CARF: variants seen among roughly 807,000 people sequenced by gnomAD.
CARF encodes calcium-responsive transcription factor.
A neutral mutation model predicts 82.0 loss-of-function variants in CARF; 57 were observed. The observed-to-expected ratio is 0.70, with a 90% CI of 0.56 to 0.87. The LOEUF (loss-of-function observed/expected upper bound fraction) is 0.87, where lower values mean the gene tolerates loss of function less well. Ranked by LOEUF, CARF falls within the 40% of genes least tolerant of loss-of-function variation. The pLI is 0.00. For synonymous variants in CARF, 268 were observed against 290.1 expected, an observed-to-expected ratio of 0.92 and a Z score of 0.77; for missense variants, 771 against 855.8, an observed-to-expected ratio of 0.90 and a Z score of 1.24.
chr2:202,967,084 C>CA lies in CARF; in HGVS notation c.940dup (p.Thr314AsnfsTer9). The CA allele has an allele frequency of 1.2e-6, 2 of 1,613,774 alleles. No individual in the cohort carries two copies. Among genetic ancestry groups the CA allele is most frequent in the Non-Finnish European group, 1.7e-6 (2 of 1,179,888 alleles). On this transcript the variant is annotated frameshift_variant, in exon 10 of 17. Coordinates refer to ENST00000438828, the MANE Select transcript of CARF (RefSeq NM_024744.17). LOFTEE classifies it high-confidence loss of function. ...GCAGGTCTTGTCAGCTCTACAAAGCCACTTGTCCAGCTCGGTAAGCTTTAT... is the reference window on the plus strand; with the variant it reads ...GCAGGTCTTGTCAGCTCTACAAAGCCAACTTGTCCAGCTCGGTAAGCTTTAT...
intron 4 of CARF, 47 bp downstream of exon 4, chr2:202,942,027 AT>A (rs1471635032): frequency 7.0e-7 from 1 of 1,429,576 alleles, no homozygotes. Context: ...GTAAAACAGC[AT>A]GCCATTTAAC....
chr2:202,973,166 G>A (rs890970472), intron 12 of CARF, among the ~76,000 whole-genome samples: 1 of 152,148 alleles, frequency 6.6e-6, no homozygotes, highest in African/African-American at 2.4e-5. Context: ...TTAACTGAGA[G>A]CTTACTGTAA....
chr2:202,952,431 A>G (rs2058797711), intron 5 of CARF, 128 bp from the exon 6 acceptor site: 3 of 896,890 alleles, frequency 3.3e-6, no homozygotes, highest in Admixed American at 2.9e-5. Context: ...GTTTTCATCT[A>G]TAAAATGGGG....
At chr2:202,977,812 C>T (rs1462549321) in intron 14 of CARF, among the ~76,000 whole-genome samples, 1 of 152,112 alleles carries the variant, frequency 6.6e-6, no homozygotes, top group Non-Finnish European at 1.5e-5. Context: ...TAAGTACATT[C>T]ATAACTTCAC....
chr2:202,944,112 G>GT (rs1220864432), intron 5 of CARF, among the ~76,000 whole-genome samples: 1 of 152,082 alleles, frequency 6.6e-6, no homozygotes, highest in African/African-American at 2.4e-5. Context: ...TGTGTGCCAC[G>GT]TGAGTAATAA....
At chr2:202,928,890 C>T (rs529536773) in intron 3 of CARF, among the ~76,000 whole-genome samples, 10 of 152,154 alleles carry the variant, frequency 6.6e-5, no homozygotes, top group East Asian at 3.9e-4. Flanking sequence ...CCACCATCCC[C>T]GGCTAATTTT....
intron 3 of CARF, among the ~76,000 whole-genome samples, chr2:202,929,853 G>C (rs755148700): frequency 8.5e-5 from 13 of 152,212 alleles, no homozygotes; most frequent in Non-Finnish European, 1.8e-4. Flanking sequence ...TCAGCCTTCT[G>C]AGTAGCTGGG....
intron 9 of CARF, chr2:202,962,297 A>T (rs1365786253): frequency 6.6e-6 from 1 of 152,160 alleles, no homozygotes; most frequent in Admixed American, 6.5e-5. Context: ...TTTGAGACCC[A>T]CCTGGGCAAA....
intron 14 of CARF, among the ~76,000 whole-genome samples, chr2:202,979,439 C>T (rs1374570495): frequency 1.3e-5 from 2 of 151,934 alleles, no homozygotes; most frequent in Non-Finnish European, 2.9e-5. Flanking sequence ...GCTGTTTAGT[C>T]CTCTCAGTGG....
intron 3 of CARF, among the ~76,000 whole-genome samples, chr2:202,935,760 C>G (rs1326431810): frequency 6.6e-6 from 1 of 152,072 alleles, no homozygotes. Context: ...CCTGGACATT[C>G]TAATAATTTT....
intron 5 of CARF, among the ~76,000 whole-genome samples, chr2:202,945,770 A>G (rs1191710329): frequency 6.6e-6 from 1 of 152,310 alleles, no homozygotes; most frequent in Non-Finnish European, 1.5e-5. Flanking sequence ...ATTAATGAAC[A>G]TTCATGTGCA....
At chr2:202,958,823 T>G (rs2059173720) in intron 8 of CARF, among the ~76,000 whole-genome samples, 1 of 149,970 alleles carries the variant, frequency 6.7e-6, no homozygotes. Context: ...GAGAATCGCT[T>G]GAACCCAGGA....
At chr2:202,964,900 T>C (rs114144699) in intron 9 of CARF, among the ~76,000 whole-genome samples, 1,998 of 146,042 alleles carry the variant, frequency 0.014, 17 homozygotes, top group African/African-American at 0.035. Flanking sequence ...TATATATATA[T>C]ACACACACAC....
intron 2 of CARF, among the ~76,000 whole-genome samples, 198 bp downstream of exon 2, chr2:202,918,241 C>A (rs1359636532): frequency 6.6e-6 from 1 of 152,060 alleles, no homozygotes; most frequent in African/African-American, 2.4e-5. Context: ...TTTGACAGGG[C>A]CAGGCGCGGT....
intron 8 of CARF, among the ~76,000 whole-genome samples, chr2:202,960,845 A>T (rs1182794662): frequency 6.6e-6 from 1 of 150,864 alleles, no homozygotes; most frequent in East Asian, 1.9e-4. Context: ...CACCAAAAAA[A>T]ATCAGTTTCA....
At chr2:202,929,499 C>T (rs1436589664) in intron 3 of CARF, among the ~76,000 whole-genome samples, 1 of 152,038 alleles carries the variant, frequency 6.6e-6, no homozygotes, top group East Asian at 1.9e-4. Context: ...GCTGTAAGTG[C>T]GTAGATTTTG....
chr2:202,919,850 G>C (rs2105946394), intron 2 of CARF, among the ~76,000 whole-genome samples: 1 of 152,262 alleles, frequency 6.6e-6, no homozygotes, highest in African/African-American at 2.4e-5. Context: ...TCTTGGGAAA[G>C]TTACTTATCT....
chr2:202,954,924 G>A (rs2058964722), intron 7 of CARF, among the ~76,000 whole-genome samples: 1 of 151,550 alleles, frequency 6.6e-6, no homozygotes, highest in East Asian at 1.9e-4. Flanking sequence ...TGAGGCAGGA[G>A]AATGGCGTGA....
At chr2:202,966,889 T>G (rs2059575150) in intron 9 of CARF, 89 bp from the exon 10 acceptor site, 1 of 1,279,684 alleles carries the variant, frequency 7.8e-7, no homozygotes, top group African/African-American at 1.5e-5. Context: ...TGAAAGATTT[T>G]GACATTGCCA....
Sources: allele counts gnomAD v4.1 joint callset (sites outside exome capture counted in the v4.1 genomes callset), GRCh38; gene constraint gnomAD v4.1.1; transcripts MANE v1.5; gene names NCBI Gene and HGNC (gene_info 2026-07-23, HGNC 2026-07-21).